CPNE4: variants seen among roughly 807,000 people sequenced by gnomAD.
CPNE4 encodes copine-4.
CPNE4 carries 25 observed loss-of-function variants against 67.9 expected under a neutral mutation model. That is an observed-to-expected ratio of 0.37 (90% CI 0.27 to 0.51). CPNE4 has a LOEUF of 0.51. Ranked by LOEUF, CPNE4 falls within the 20% of genes least tolerant of loss-of-function variation. The probability of loss-of-function intolerance (pLI) is 0.93; values close to 1 mark genes in which losing one functional copy is unlikely to be tolerated. For synonymous variants in CPNE4, 242 were observed against 244.9 expected (o/e 0.99, Z 0.11); for missense variants, 464 against 690.8 (o/e 0.67, Z 3.68).
At chr3:132,019,562 A>T (rs1180333978) in intron 1 of CPNE4, among the ~76,000 whole-genome samples, 1 of 152,216 alleles carries the variant, frequency 6.6e-6, no homozygotes, top group Non-Finnish European at 1.5e-5. Context: ...GTTTACAATC[A>T]TATAATTTGT....
In CPNE4 at chr3:131,653,214, C is replaced by T. The variant is rs552601560; in HGVS notation, c.681+16461G>A. Among the ~76,000 whole-genome samples the T allele has an allele frequency of 8.6e-5, 12 of 140,286 alleles. No homozygotes were observed. In the East Asian group the frequency reaches 1.9e-3, roughly 22 times the overall value. The allele number at this position is 140,286 out of a possible 152,430, so 92.0% of individuals were successfully genotyped here. The stretch of plus-strand genomic sequence containing the variant: ...AGGCTGGAGTGCAGTGGTGCGATCT[C>T]GGCTCACTGCAAGCTCCGCCTCCCG... On this transcript the variant is annotated intron_variant, in intron 7 of 15. Coordinates refer to ENST00000429747, the MANE Select transcript of CPNE4 (RefSeq NM_130808.3).
chr3:131,757,142 T>C (rs895342479), intron 2 of CPNE4, among the ~76,000 whole-genome samples: 1 of 152,168 alleles, frequency 6.6e-6, no homozygotes, highest in Admixed American at 6.5e-5. Context: ...AAAAGATACC[T>C]GAAAATGTGG....
At chr3:131,827,628 ATGCTT>A (rs1253692729) in intron 2 of CPNE4, among the ~76,000 whole-genome samples, 1 of 152,096 alleles carries the variant, frequency 6.6e-6, no homozygotes, top group East Asian at 1.9e-4. Context: ...AATGGCTGTT[ATGCTT>A]TAGAATACTT....
intron 2 of CPNE4, among the ~76,000 whole-genome samples, chr3:131,800,580 G>A (rs2084064915): frequency 6.6e-6 from 1 of 152,136 alleles, no homozygotes; most frequent in Non-Finnish European, 1.5e-5. Context: ...ACTTTTGTGG[G>A]AAGAATAGCC....
At chr3:131,853,771 A>C (rs1391207623) in intron 2 of CPNE4, among the ~76,000 whole-genome samples, 1 of 151,906 alleles carries the variant, frequency 6.6e-6, no homozygotes, top group Non-Finnish European at 1.5e-5. Flanking sequence ...GATGTATAGT[A>C]ACCGATAAGT....
intron 2 of CPNE4, among the ~76,000 whole-genome samples, chr3:131,803,617 C>T (rs1215002062): frequency 3.3e-5 from 5 of 152,220 alleles, no homozygotes; most frequent in African/African-American, 1.2e-4. Context: ...TAGGCACCTA[C>T]TTTGTGCCAG....
chr3:131,835,763 C>G (rs1358475837), intron 2 of CPNE4, among the ~76,000 whole-genome samples: 1 of 152,130 alleles, frequency 6.6e-6, no homozygotes, highest in Non-Finnish European at 1.5e-5. Flanking sequence ...CCCTATTAAC[C>G]TACCCCTTCC....
chr3:131,917,435 A>G (rs956941017), intron 1 of CPNE4, among the ~76,000 whole-genome samples: 3 of 152,152 alleles, frequency 2.0e-5, no homozygotes, highest in Admixed American at 6.5e-5. Flanking sequence ...AATCAGACTC[A>G]TGACCAGCTA....
At chr3:131,605,083 G>T (rs1194118662) in intron 7 of CPNE4, among the ~76,000 whole-genome samples, 1 of 152,104 alleles carries the variant, frequency 6.6e-6, no homozygotes, top group Non-Finnish European at 1.5e-5. Context: ...GCCCAGGAAT[G>T]CTAGGTAACT....
intron 1 of CPNE4, among the ~76,000 whole-genome samples, chr3:131,984,788 TTC>T (rs2073002456): frequency 6.6e-6 from 1 of 152,190 alleles, no homozygotes; most frequent in African/African-American, 2.4e-5. Flanking sequence ...CCTCAGTTTC[TTC>T]TGTCTTCTAG....
intron 1 of CPNE4, among the ~76,000 whole-genome samples, chr3:132,020,826 C>G (rs1286104373): frequency 6.6e-6 from 1 of 152,172 alleles, no homozygotes; most frequent in African/African-American, 2.4e-5. Context: ...CTGGAACATG[C>G]CCAAAATTGC....
intron 2 of CPNE4, among the ~76,000 whole-genome samples, chr3:131,840,317 T>A (rs1406746387): frequency 6.6e-6 from 1 of 152,196 alleles, no homozygotes; most frequent in East Asian, 1.9e-4. Context: ...GACACAGAAC[T>A]AGTGAATTGG....
chr3:131,792,090 G>A (rs554320567), intron 2 of CPNE4, among the ~76,000 whole-genome samples: 9 of 152,204 alleles, frequency 5.9e-5, no homozygotes, highest in Non-Finnish European at 1.2e-4. Context: ...CATGAGGCAG[G>A]AATGGTTGCA....
chr3:131,617,230 G>T (rs757341936), intron 7 of CPNE4, among the ~76,000 whole-genome samples: 3 of 152,222 alleles, frequency 2.0e-5, no homozygotes, highest in African/African-American at 7.2e-5. Flanking sequence ...TGGAAGGGGA[G>T]ATTACTTAAC....
At chr3:131,865,400 C>T (rs1054054647) in intron 2 of CPNE4, among the ~76,000 whole-genome samples, 1 of 136,998 alleles carries the variant, frequency 7.3e-6, no homozygotes, top group Non-Finnish European at 1.6e-5. Context: ...TTTAAAAATG[C>T]CCTTCACCTC....
chr3:131,609,320 T>C (rs561770728), intron 7 of CPNE4, among the ~76,000 whole-genome samples: 1 of 152,306 alleles, frequency 6.6e-6, no homozygotes, highest in East Asian at 1.9e-4. Flanking sequence ...ATTTGTGCTT[T>C]CCAGTGTAGG....
At chr3:131,890,955 C>T (rs2088089259) in intron 2 of CPNE4, among the ~76,000 whole-genome samples, 1 of 152,062 alleles carries the variant, frequency 6.6e-6, no homozygotes, top group Admixed American at 6.6e-5. Flanking sequence ...AGGGGGCATA[C>T]AGGAAGTTGT....
intron 2 of CPNE4, among the ~76,000 whole-genome samples, chr3:131,768,472 C>A (rs953372124): frequency 4.6e-5 from 7 of 152,074 alleles, no homozygotes; most frequent in African/African-American, 1.4e-4. Context: ...CCATCCAGTG[C>A]TGTTTTGGTA....
upstream of CPNE4, among the ~76,000 whole-genome samples, chr3:132,036,019 G>T (rs1275783671): frequency 2.6e-5 from 4 of 152,150 alleles, no homozygotes; most frequent in Admixed American, 6.5e-5. Context: ...TCCAGAAAAG[G>T]AGAACCAATA....
Sources: gnomAD v4.1 joint callset for allele counts (sites outside exome capture counted in the v4.1 genomes callset) on GRCh38, gnomAD v4.1.1 for gene constraint, MANE v1.5 for transcripts, NCBI Gene and HGNC (gene_info 2026-07-23, HGNC 2026-07-21) for gene names.